The following PTPRD variants were observed in gnomAD, a reference collection of about 807,000 sequenced individuals.
PTPRD encodes protein tyrosine phosphatase receptor type D.
A neutral mutation model predicts 214.5 loss-of-function variants in PTPRD; 34 were observed. That is an observed-to-expected ratio of 0.16 (90% confidence interval 0.12 to 0.21). The LOEUF (loss-of-function observed/expected upper bound fraction) is 0.21, where lower values mean the gene tolerates loss of function less well. Among genes scored for constraint, PTPRD ranks in the 10% least tolerant of loss-of-function variants. PTPRD has a pLI of 1.00. For missense variants in PTPRD, 2,545 were observed against 2,398.7 expected (o/e 1.06, Z -1.27); for synonymous variants, 1,128 against 845.7 (o/e 1.33, Z -5.79).
intron 3 of PTPRD, among the ~76,000 whole-genome samples, chr9:10,092,967 A>G (rs768009927): frequency 9.9e-5 from 15 of 151,692 alleles, no homozygotes; most frequent in Admixed American, 4.0e-4. Flanking sequence ...TAGACTGAAG[A>G]TTTAGATGTA....
intron 11 of PTPRD, among the ~76,000 whole-genome samples, chr9:8,903,751 TA>T (rs893866854): frequency 6.8e-6 from 1 of 146,736 alleles, no homozygotes; most frequent in African/African-American, 2.8e-5. Context: ...TCTCTACCTT[TA>T]AAAAATTATG....
At chr9:9,858,354 G>A (rs2061975676) in intron 5 of PTPRD, among the ~76,000 whole-genome samples, 1 of 152,156 alleles carries the variant, frequency 6.6e-6, no homozygotes, top group Non-Finnish European at 1.5e-5. Flanking sequence ...CACCTTTCCA[G>A]AAAATAGTGC....
chr9:10,271,679 A>ACC (rs2094434197), intron 3 of PTPRD, among the ~76,000 whole-genome samples: 1 of 151,768 alleles, frequency 6.6e-6, no homozygotes, highest in Non-Finnish European at 1.5e-5. Flanking sequence ...AGTAGCTGGC[A>ACC]TTATCGGCGT....
intron 6 of PTPRD, among the ~76,000 whole-genome samples, chr9:9,739,667 G>A (rs1267584477): frequency 1.3e-5 from 2 of 150,628 alleles, no homozygotes; most frequent in African/African-American, 4.9e-5. Context: ...GATCCCCTCT[G>A]TTGTATGCAG....
intron 3 of PTPRD, among the ~76,000 whole-genome samples, chr9:10,055,667 G>C (rs1363131878): frequency 6.6e-6 from 1 of 151,918 alleles, no homozygotes; most frequent in African/African-American, 2.4e-5. Context: ...TTATTTTGCA[G>C]TATGTGTATA....
At chr9:9,895,735 T>G (rs1223146828) in intron 5 of PTPRD, among the ~76,000 whole-genome samples, 1 of 152,098 alleles carries the variant, frequency 6.6e-6, no homozygotes, top group African/African-American at 2.4e-5. Flanking sequence ...CAATTATTTT[T>G]GTTTCTTCAA....
At position 10,344,379 on chromosome 9, in the gene PTPRD, T is replaced by C. The variant is rs893829691; in HGVS notation, c.-599-3362A>G. Among the ~76,000 whole-genome samples, 5 of 152,232 alleles carry C rather than the reference T, an allele frequency of 3.3e-5. No homozygotes were observed. The South Asian group carries it at 6.2e-4, about 19-fold the overall frequency. On this transcript the variant is annotated intron_variant, in intron 2 of 45. Coordinates refer to ENST00000381196, the MANE Select transcript of PTPRD (RefSeq NM_002839.4). ...TTTCTGAGGCCTCTGTTCTGTTCCA[T>C]TGGTCTATATGTCTGTTTTGGTACC...
intron 9 of PTPRD, among the ~76,000 whole-genome samples, chr9:9,352,262 G>T (rs1596247553): frequency 1.3e-5 from 2 of 150,712 alleles, no homozygotes; most frequent in African/African-American, 4.9e-5. Context: ...TGTATTGCTG[G>T]AAATTTAGGT....
chr9:9,399,294 C>T (rs1293255716), intron 8 of PTPRD, among the ~76,000 whole-genome samples: 2 of 151,940 alleles, frequency 1.3e-5, no homozygotes, highest in Non-Finnish European at 2.9e-5. Flanking sequence ...GTTCTTTGTA[C>T]CTAAGCATAG....
intron 3 of PTPRD, among the ~76,000 whole-genome samples, chr9:10,163,819 A>G (rs2099142923): frequency 6.6e-6 from 1 of 151,564 alleles, no homozygotes; most frequent in Non-Finnish European, 1.5e-5. Flanking sequence ...TATCCAAGTC[A>G]TATGTTCAAC....
chr9:8,390,348 G>A (rs145555866), intron 36 of PTPRD, among the ~76,000 whole-genome samples: 2 of 152,130 alleles, frequency 1.3e-5, no homozygotes, highest in East Asian at 3.9e-4. Flanking sequence ...ACACTGGTCT[G>A]CTTCAATTAT....
At chr9:8,974,683 T>TC (rs1294451684) in intron 11 of PTPRD, among the ~76,000 whole-genome samples, 11 of 152,106 alleles carry the variant, frequency 7.2e-5, no homozygotes, top group African/African-American at 2.7e-4. Flanking sequence ...TTACTCTATG[T>TC]CATCTATAAC....
Position 9,828,925 on chromosome 9 carries a change from T to A in PTPRD, c.-367-62074A>T, listed in dbSNP as rs1391080995. ...GCTGTTTCAATTGAAATTTTTGCTG[T>A]AAATGTAGACTTACATAAATTTAAA... On this transcript the variant is annotated intron_variant, in intron 5 of 45. Transcript: ENST00000381196. Among the ~76,000 whole-genome samples the A allele has an allele frequency of 2.6e-5, 4 of 151,974 alleles. No individual in the cohort carries two copies. The East Asian group carries it at 7.7e-4, about 29-fold the overall frequency.
At chr9:8,599,613 C>CCCCTCTTT (rs2094698008) in intron 14 of PTPRD, among the ~76,000 whole-genome samples, 1 of 53,428 alleles carries the variant, frequency 1.9e-5, no homozygotes. Context: ...CCCGCCCACC[C>CCCCTCTTT]TTTTTTTTTT....
intron 33 of PTPRD, among the ~76,000 whole-genome samples, chr9:8,459,329 T>A (rs768269342): frequency 6.5e-4 from 99 of 152,118 alleles, no homozygotes; most frequent in Admixed American, 1.2e-3. Flanking sequence ...AGTAGAAGGA[T>A]GAGATCAACT....
At chr9:9,716,755 T>C (rs917863833) in intron 7 of PTPRD, among the ~76,000 whole-genome samples, 11 of 152,144 alleles carry the variant, frequency 7.2e-5, no homozygotes, top group South Asian at 2.1e-4. Context: ...TATTAGCCCT[T>C]TGTCAGATGA....
chr9:9,410,521 C>T (rs1315575103), intron 8 of PTPRD, among the ~76,000 whole-genome samples: 6 of 152,078 alleles, frequency 3.9e-5, no homozygotes, highest in Non-Finnish European at 5.9e-5. Flanking sequence ...CACATGTGAT[C>T]CTTATTAAAA....
rs562450611 is a variant in PTPRD, at chr9:8,603,853, A to C, written c.352+29464T>G. ...CAATTTAGTTATAGTGAAATCCCTTAATGGAAAAGCCCAACTAATTAGAAG... is the reference window on the plus strand; with the variant it reads ...CAATTTAGTTATAGTGAAATCCCTTCATGGAAAAGCCCAACTAATTAGAAG... On this transcript the variant is annotated intron_variant, in intron 14 of 45. Transcript: ENST00000381196. 2.0e-5 allele frequency among the ~76,000 whole-genome samples: 3 copies of C among 152,294 alleles called. No homozygotes were observed. In the South Asian group the frequency reaches 6.2e-4, roughly 32 times the overall value.
Position 8,500,928 on chromosome 9 carries a change from C to T in PTPRD, c.1954G>A (p.Val652Met), listed in dbSNP as rs778234420. The stretch of plus-strand genomic sequence containing the variant: ...TGAGGCTTGTCATCTTCCCCATCCA[C>T]TGCAGTGTACTTGATGGAGTATTCA... ...ITEYSIKYTA[V>M]DGEDDKPHEI... is the part of the protein sequence containing the mutation. Residue 652 changes from valine to methionine, a missense_variant, in exon 24 of 46, where the codon GTG (valine) becomes ATG (methionine). Coordinates refer to ENST00000381196, the MANE Select transcript of PTPRD (RefSeq NM_002839.4). 1.2e-6 allele frequency: 2 copies of T among 1,614,128 alleles called. No individual in the cohort carries two copies. Among genetic ancestry groups the T allele is most frequent in the Admixed American group, 1.7e-5 (1 of 60,010 alleles).
Sources: gnomAD v4.1 joint callset for allele counts (sites outside exome capture counted in the v4.1 genomes callset) on GRCh38, gnomAD v4.1.1 for gene constraint, MANE v1.5 for transcripts, NCBI Gene and HGNC (gene_info 2026-07-23, HGNC 2026-07-21) for gene names.